Variants in GABRE observed in about 807,000 individuals in gnomAD.
GABRE encodes the protein gamma-aminobutyric acid receptor subunit epsilon.
GABRE carries 20 observed loss-of-function variants against 31.0 expected under a neutral mutation model. That is an observed-to-expected ratio of 0.64 (90% CI 0.45 to 0.94). The LOEUF (loss-of-function observed/expected upper bound fraction) is 0.94, where lower values mean the gene tolerates loss of function less well. Ranked by LOEUF, GABRE falls within the 40% of genes least tolerant of loss-of-function variation. The probability of loss-of-function intolerance (pLI) is 0.00; values close to 1 mark genes in which losing one functional copy is unlikely to be tolerated. For synonymous variants in GABRE, 155 were observed against 150.6 expected, an observed-to-expected ratio of 1.03 and a Z score of -0.21; for missense variants, 420 against 410.7, an observed-to-expected ratio of 1.02 and a Z score of -0.20.
chrX:151,959,993 G>T lies in GABRE; in HGVS notation c.647-17C>A. ...GATAGGAAACTGGAAAGGAATGTGAGAAAGAGGGTCTTATGAGACTTGGAA... is the reference window on the plus strand; with the variant it reads ...GATAGGAAACTGGAAAGGAATGTGATAAAGAGGGTCTTATGAGACTTGGAA... On this transcript the variant is annotated splice_polypyrimidine_tract_variant and intron_variant, in intron 5 of 8. Transcript: ENST00000370328. 1.7e-6 allele frequency: 2 copies of T among 1,203,336 alleles called. No individual in the cohort carries two copies. The highest frequency in any genetic ancestry group is 2.2e-6 in the Non-Finnish European group (2 of 891,502).
intron 3 of GABRE, among the ~76,000 whole-genome samples, chrX:151,965,541 G>A (rs1231161877): frequency 8.9e-6 from 1 of 112,310 alleles, no homozygotes; most frequent in East Asian, 2.8e-4. Flanking sequence ...GGCTTTATGA[G>A]AAAGGGGGCT....
chrX:151,964,461 C>T (rs112132096), intron 3 of GABRE, among the ~76,000 whole-genome samples: 401 of 111,300 alleles, frequency 3.6e-3, no homozygotes, highest in African/African-American at 0.013. Flanking sequence ...AAATATAATT[C>T]CCAACTAGAT....
At chrX:151,969,050 C>T (rs982921677) in intron 3 of GABRE, among the ~76,000 whole-genome samples, 1 of 112,158 alleles carries the variant, frequency 8.9e-6, no homozygotes, top group Non-Finnish European at 1.9e-5. Flanking sequence ...AATGAAAGCT[C>T]AGAGGTACAA....
At position 151,954,084 on chromosome X, in the gene GABRE, C is replaced by G. The variant is rs6627504; in HGVS notation, c.*617G>C. The G allele has an allele frequency of 3.6e-5, 4 of 111,181 alleles. No homozygotes were observed. Among genetic ancestry groups the G allele is most frequent in the East Asian group, 2.9e-4 (1 of 3,491 alleles). The allele number at this position is 111,181 out of a possible 1,213,427, so 9.2% of individuals were successfully genotyped here. ...TGTCCCAAATAGGCTCTCTTGCTGC[C>G]CCCCCCTCTTCCTAAAGGGATAATG... On this transcript the variant is annotated 3_prime_UTR_variant, in exon 9 of 9. Transcript: ENST00000370328.
chrX:151,967,996 T>C (rs769765536), intron 3 of GABRE, among the ~76,000 whole-genome samples: 1 of 112,641 alleles, frequency 8.9e-6, no homozygotes, highest in Non-Finnish European at 1.9e-5. Flanking sequence ...ACAGAAGCAA[T>C]GGGATGTCAC....
chrX:151,966,065 C>T (rs189015837), intron 3 of GABRE, among the ~76,000 whole-genome samples: 1 of 112,575 alleles, frequency 8.9e-6, no homozygotes, highest in South Asian at 3.7e-4. Context: ...GCCCTCTGCA[C>T]TCACACTGTG....
intron 6 of GABRE, chrX:151,957,458 T>G: frequency 3.0e-6 from 1 of 331,043 alleles, no homozygotes; most frequent in Non-Finnish European, 5.9e-6. Flanking sequence ...AATGTATTTA[T>G]CAAAAGTCCT....
intron 1 of GABRE, chrX:151,972,071 G>A (rs1396776470): frequency 2.0e-5 from 15 of 751,343 alleles, no homozygotes; most frequent in Non-Finnish European, 2.3e-5. Context: ...AAGGCAATTT[G>A]TTTCCTAAAA....
intron 6 of GABRE, chrX:151,959,135 C>A (rs1934274824): frequency 1.3e-5 from 4 of 309,805 alleles, no homozygotes; most frequent in South Asian, 1.1e-4. Context: ...TCCCTTGGCT[C>A]CTCATTCAGG....
At chrX:151,971,302 T>C (rs1934687562) in intron 1 of GABRE, 4 of 326,907 alleles carry the variant, frequency 1.2e-5, no homozygotes, top group Non-Finnish European at 2.4e-5. Context: ...TTTGAGCACT[T>C]CTCTGTATAC....
chrX:151,968,189 G>C (rs1161170616), intron 3 of GABRE, among the ~76,000 whole-genome samples: 1 of 112,072 alleles, frequency 8.9e-6, no homozygotes, highest in African/African-American at 3.2e-5. Flanking sequence ...TGCCAATCCT[G>C]TGAGTGGTCT....
At chrX:151,959,764 A>G in intron 6 of GABRE, 75 bp downstream of exon 6, 1 of 1,066,892 alleles carries the variant, frequency 9.4e-7, no homozygotes, top group Non-Finnish European at 1.3e-6. Context: ...ATGACTGCAA[A>G]GCATTTGTAT....
rs999319505 is a variant in GABRE, at chrX:151,974,482, G to A, written c.56+88C>T. 5.0e-5 allele frequency: 32 copies of A among 636,434 alleles called. No homozygotes were observed. In the African/African-American group the frequency reaches 7.4e-4, roughly 15 times the overall value. 52.4% of individuals were successfully genotyped at this position (636,434 alleles called of 1,213,427 possible). A position where few individuals can be genotyped will look rare whatever the true frequency, so the allele number is the denominator to read the frequency against. On this transcript the variant is annotated intron_variant, in intron 1 of 8. Transcript: ENST00000370328. The stretch of plus-strand genomic sequence containing the variant: ...GCGGGCGCGGGGCTCGAGGAACGCG[G>A]GGCCGCTGGGGTCCCGGGAGCCGTC...
At position 151,962,320 on chromosome X, in the gene GABRE, G is replaced by T. The variant is rs1266193736; in HGVS notation, c.563+103C>A. The T allele has an allele frequency of 1.7e-5, 12 of 712,269 alleles. No individual in the cohort carries two copies. In the Admixed American group the frequency reaches 3.2e-4, roughly 19 times the overall value. 58.7% of individuals were successfully genotyped at this position (712,269 alleles called of 1,213,427 possible). A position where few individuals can be genotyped will look rare whatever the true frequency, so the allele number is the denominator to read the frequency against. The stretch of plus-strand genomic sequence containing the variant: ...TCTAGGAAAGCTGGACAGGCCCTTA[G>T]AGGTATCATTCAGGATGAGATCTCT... On this transcript the variant is annotated intron_variant, in intron 4 of 8. Transcript: ENST00000370328.
rs1569452811 is a variant in GABRE at position 151,954,674 on chromosome X, GT to G, written c.*26del. On this transcript the variant is annotated 3_prime_UTR_variant, in exon 9 of 9. Coordinates refer to ENST00000370328, the MANE Select transcript of GABRE (RefSeq NM_004961.4). ...TTGGACCTCCTGGGGAACTGGAGAG[GT>G]TGCCCCACAGGGTACCAGCTGGTAC... 8.9e-7 allele frequency: 1 copy of G among 1,121,284 alleles called. No individual in the cohort carries two copies. Among genetic ancestry groups the G allele is most frequent in the Admixed American group, 2.6e-5 (1 of 38,226 alleles). 92.4% of individuals were successfully genotyped at this position (1,121,284 alleles called of 1,213,427 possible). A position where few individuals can be genotyped will look rare whatever the true frequency, so the allele number is the denominator to read the frequency against.
In GABRE at chrX:151,957,158, A is replaced by G. The variant is rs1934199166; in HGVS notation, c.785-1298T>C. On this transcript the variant is annotated intron_variant, in intron 6 of 8. Coordinates refer to ENST00000370328, the MANE Select transcript of GABRE (RefSeq NM_004961.4). ...GCAACTCTTGCTCCTGTCAGGCAAC[A>G]GCTTTGTAAAGCAGACCAGAACACT... The G allele has an allele frequency of 2.4e-5, 4 of 167,307 alleles. No individual in the cohort carries two copies. In the South Asian group the frequency reaches 5.1e-4, roughly 21 times the overall value. The allele number at this position is 167,307 out of a possible 1,213,427, so 13.8% of individuals were successfully genotyped here. A position where few individuals can be genotyped will look rare whatever the true frequency, so the allele number is the denominator to read the frequency against.
At position 151,958,357 on chromosome X, in the gene GABRE, G is replaced by GT. The variant is rs1377154658; in HGVS notation, c.784+1481dup. On this transcript the variant is annotated intron_variant, in intron 6 of 8. Transcript: ENST00000370328. ...TTCTGAACCCTTAATCGCCGAGCACGTAAGTATGCTCCAGATGGAGAGACC... is the reference window on the plus strand; with the variant it reads ...TTCTGAACCCTTAATCGCCGAGCACGTTAAGTATGCTCCAGATGGAGAGACC... The GT allele has an allele frequency of 3.7e-5, 9 of 242,599 alleles. No homozygotes were observed. In the East Asian group the frequency reaches 1.1e-3, roughly 31 times the overall value. The allele number at this position is 242,599 out of a possible 1,213,427, so 20.0% of individuals were successfully genotyped here. A position where few individuals can be genotyped will look rare whatever the true frequency, so the allele number is the denominator to read the frequency against.
In GABRE at chrX:151,960,172, C is replaced by T. The variant is rs191073575; in HGVS notation, c.647-196G>A. Among the ~76,000 whole-genome samples the T allele has an allele frequency of 4.2e-3, 464 of 111,716 alleles. 1 individual carries two copies. Among genetic ancestry groups the T allele is most frequent in the Non-Finnish European group, 6.2e-3 (328 of 53,161 alleles). ...TACTGAGCATTCCTCAGTATCAGGCCCTAGGCCAGAAATACAGAGATGAGC... is the reference window on the plus strand; with the variant it reads ...TACTGAGCATTCCTCAGTATCAGGCTCTAGGCCAGAAATACAGAGATGAGC... On this transcript the variant is annotated intron_variant, in intron 5 of 8. Coordinates refer to ENST00000370328, the MANE Select transcript of GABRE (RefSeq NM_004961.4).
intron 6 of GABRE, chrX:151,957,439 A>G (rs748957302): frequency 2.7e-5 from 9 of 329,034 alleles, no homozygotes; most frequent in South Asian, 2.4e-4. Context: ...GCACTTGCCT[A>G]CTGGCCAGAA....
Sources: gnomAD v4.1 joint callset for allele counts (sites outside exome capture counted in the v4.1 genomes callset) on GRCh38, gnomAD v4.1.1 for gene constraint, MANE v1.5 for transcripts, NCBI Gene and HGNC (gene_info 2026-07-23, HGNC 2026-07-21) for gene names.